CACNA2D3: variants seen among roughly 807,000 people sequenced by gnomAD.
CACNA2D3 encodes voltage-dependent calcium channel subunit alpha-2/delta-3.
CACNA2D3 carries 60 observed loss-of-function variants against 160.6 expected under a neutral mutation model. That is an observed-to-expected ratio of 0.37 (90% CI 0.30 to 0.46). CACNA2D3 has a LOEUF of 0.46. Among genes scored for constraint, CACNA2D3 ranks in the 20% least tolerant of loss-of-function variants. The pLI is 1.00. For missense variants in CACNA2D3, 1,205 were observed against 1,365.0 expected (o/e 0.88, Z 1.85); for synonymous variants, 558 against 492.9 (o/e 1.13, Z -1.75).
At chr3:54,269,752 A>G (rs775857139) in intron 2 of CACNA2D3, among the ~76,000 whole-genome samples, 4 of 152,328 alleles carry the variant, frequency 2.6e-5, no homozygotes, top group Admixed American at 2.0e-4. Flanking sequence ...AAGGAGGTGG[A>G]TGAGTTTTTA....
intron 27 of CACNA2D3, among the ~76,000 whole-genome samples, chr3:54,960,492 T>C (rs148811102): frequency 6.6e-6 from 1 of 152,346 alleles, no homozygotes; most frequent in African/African-American, 2.4e-5. Context: ...AGAATTTTTT[T>C]TTCTAATTTC....
intron 3 of CACNA2D3, among the ~76,000 whole-genome samples, chr3:54,348,133 G>A (rs189508426): frequency 3.9e-5 from 6 of 152,284 alleles, no homozygotes; most frequent in African/African-American, 1.2e-4. Context: ...GAACACCCAA[G>A]GTGTCAGCCA....
At chr3:54,626,611 G>C in intron 9 of CACNA2D3, 6 of 1,427,360 alleles carry the variant, frequency 4.2e-6, no homozygotes, top group South Asian at 2.3e-5. Context: ...GCCCGGCATC[G>C]GGGCCAGCCA....
chr3:54,767,914 A>G (rs529266527), intron 13 of CACNA2D3, among the ~76,000 whole-genome samples: 2 of 152,256 alleles, frequency 1.3e-5, no homozygotes, highest in African/African-American at 4.8e-5. Flanking sequence ...AAATAACTAA[A>G]CAAATCCCAA....
intron 2 of CACNA2D3, among the ~76,000 whole-genome samples, chr3:54,304,837 A>G (rs1039983868): frequency 2.6e-5 from 4 of 152,198 alleles, no homozygotes; most frequent in African/African-American, 9.6e-5. Flanking sequence ...AAAACTGGAA[A>G]AAGTCATCCA....
chr3:54,759,255 T>C (rs1702036802), intron 12 of CACNA2D3, among the ~76,000 whole-genome samples: 1 of 152,020 alleles, frequency 6.6e-6, no homozygotes, highest in South Asian at 2.1e-4. Context: ...TTTTCTTACA[T>C]GATATATGAG....
chr3:54,123,460 T>A, intron 1 of CACNA2D3, 53 bp from the exon 2 acceptor site: 1 of 1,211,076 alleles, frequency 8.3e-7, no homozygotes, highest in East Asian at 2.3e-5. Context: ...TGTGCGTGCG[T>A]GTTGACTGTG....
chr3:54,729,806 C>T (rs191963841), intron 11 of CACNA2D3, among the ~76,000 whole-genome samples: 24 of 151,960 alleles, frequency 1.6e-4, no homozygotes, highest in Middle Eastern at 6.8e-3. Context: ...GAGACCATCC[C>T]GCCTAACATG....
intron 4 of CACNA2D3, among the ~76,000 whole-genome samples, chr3:54,477,925 C>T (rs951539851): frequency 2.0e-5 from 3 of 152,130 alleles, no homozygotes; most frequent in Non-Finnish European, 4.4e-5. Context: ...GGATATTGAA[C>T]TAACAGTTGC....
At chr3:55,068,535 A>T (rs778009332) in intron 35 of CACNA2D3, among the ~76,000 whole-genome samples, 18 of 152,074 alleles carry the variant, frequency 1.2e-4, no homozygotes, top group Non-Finnish European at 2.2e-4. Context: ...TATCCATCTC[A>T]TTTATTTTTC....
At chr3:54,342,615 A>G (rs980058119) in intron 3 of CACNA2D3, among the ~76,000 whole-genome samples, 4 of 152,300 alleles carry the variant, frequency 2.6e-5, no homozygotes, top group Admixed American at 6.5e-5. Flanking sequence ...GTTCCCTCCA[A>G]ACCAGTAGCT....
At position 54,837,148 on chromosome 3, in the gene CACNA2D3, C is replaced by G. The variant is rs775434441; in HGVS notation, c.1399-11C>G. On this transcript the variant is annotated splice_polypyrimidine_tract_variant and intron_variant, in intron 14 of 37. Transcript: ENST00000474759. ...CCGTTCCCCGGTAACTGGCTTTTCT[C>G]TTCCATCCAGCTGACTGATGATCAG... 6.2e-7 allele frequency: 1 copy of G among 1,613,642 alleles called. No homozygotes were observed. Among genetic ancestry groups the G allele is most frequent in the Non-Finnish European group, 8.5e-7 (1 of 1,179,564 alleles).
intron 13 of CACNA2D3, among the ~76,000 whole-genome samples, chr3:54,787,664 G>GAA (rs1472915697): frequency 6.6e-6 from 1 of 152,194 alleles, no homozygotes; most frequent in Non-Finnish European, 1.5e-5. Context: ...CAAGACAAAG[G>GAA]AAAGGAGGTT....
rs34012508 is a variant in CACNA2D3, at chr3:54,993,885, A to AGTGTGTGTGT, written c.2690+6159_2690+6168dup. ...TTTTTTTTTTTTGGTTGCAACTGCT[A>AGTGTGTGTGT]GTGTGTGTGTGTGTGTGTGTGTGTG... On this transcript the variant is annotated intron_variant, in intron 31 of 37. Transcript: ENST00000474759. 2.7e-3 allele frequency among the ~76,000 whole-genome samples: 301 copies of AGTGTGTGTGT among 111,536 alleles called. 2 individuals are homozygous for AGTGTGTGTGT. The highest frequency in any genetic ancestry group is 0.011 in the Middle Eastern group (2 of 182). 73.2% of individuals were successfully genotyped at this position (111,536 alleles called of 152,430 possible). A position where few individuals can be genotyped will look rare whatever the true frequency, so the allele number is the denominator to read the frequency against.
intron 17 of CACNA2D3, among the ~76,000 whole-genome samples, chr3:54,864,187 A>T (rs751480492): frequency 2.6e-5 from 4 of 152,042 alleles, no homozygotes; most frequent in Admixed American, 2.6e-4. Flanking sequence ...CCTGAGATGG[A>T]TATTGGTGAA....
intron 16 of CACNA2D3, among the ~76,000 whole-genome samples, chr3:54,842,962 C>T (rs1051699647): frequency 2.2e-4 from 33 of 149,050 alleles, no homozygotes; most frequent in African/African-American, 7.4e-4. Context: ...GGTTGAGAGG[C>T]GGAAAAGTGA....
Position 54,816,880 on chromosome 3 carries a change from C to T in CACNA2D3, c.1398+10C>T, listed in dbSNP as rs776448350. 1 of 1,613,710 alleles carries T rather than the reference C, an allele frequency of 6.2e-7. No individual in the cohort carries two copies. The highest frequency in any genetic ancestry group is 2.2e-5 in the East Asian group (1 of 44,880). Reference sequence around the variant, plus strand: ...CCCTCAGGCACAAAAGGTAAATTCTCTTCTGTCACATTCCAGTCACCCCCA... The same window carrying T: ...CCCTCAGGCACAAAAGGTAAATTCTTTTCTGTCACATTCCAGTCACCCCCA... On this transcript the variant is annotated intron_variant, in intron 14 of 37. Transcript: ENST00000474759.
At chr3:54,149,383 A>G (rs1367619933) in intron 2 of CACNA2D3, among the ~76,000 whole-genome samples, 1 of 152,184 alleles carries the variant, frequency 6.6e-6, no homozygotes, top group Admixed American at 6.5e-5. Flanking sequence ...GGTTGCACAC[A>G]TAGGCAGTGT....
At chr3:54,398,282 C>G (rs1358626832) in intron 4 of CACNA2D3, among the ~76,000 whole-genome samples, 2 of 116,590 alleles carry the variant, frequency 1.7e-5, no homozygotes, top group Non-Finnish European at 3.5e-5. Context: ...ACTTCCCAGT[C>G]TGTGTCTTTT....
Sources: gnomAD v4.1 joint callset for allele counts (sites outside exome capture counted in the v4.1 genomes callset) on GRCh38, gnomAD v4.1.1 for gene constraint, MANE v1.5 for transcripts, NCBI Gene and HGNC (gene_info 2026-07-23, HGNC 2026-07-21) for gene names.